The following SH3KBP1 variants were observed in gnomAD, a reference collection of about 807,000 sequenced individuals.
The protein encoded by SH3KBP1 is SH3 domain containing kinase binding protein 1.
A neutral mutation model predicts 50.1 loss-of-function variants in SH3KBP1; 8 were observed. The observed-to-expected ratio is 0.16, with a 90% CI of 0.09 to 0.29. SH3KBP1 has a LOEUF of 0.29. Ranked by LOEUF, SH3KBP1 falls within the 10% of genes least tolerant of loss-of-function variation. SH3KBP1 has a pLI of 1.00. For missense variants in SH3KBP1, 377 were observed against 535.2 expected (o/e 0.70, Z 2.92); for synonymous variants, 227 against 218.6 (o/e 1.04, Z -0.34).
chrX:19,793,314 AT>A (rs1227734203), intron 2 of SH3KBP1, among the ~76,000 whole-genome samples: 3,092 of 82,463 alleles, frequency 0.037, 146 homozygotes, highest in African/African-American at 0.15. Flanking sequence ...GGAAAAAAAA[AT>A]ATATATATAT....
chrX:19,712,149 T>C (rs1468968919), intron 3 of SH3KBP1, among the ~76,000 whole-genome samples: 1 of 112,428 alleles, frequency 8.9e-6, no homozygotes, highest in East Asian at 2.8e-4. Flanking sequence ...CCTTCCTAAA[T>C]AGCAGCTCCA....
chrX:19,837,185 C>T (rs1375156985), intron 1 of SH3KBP1, among the ~76,000 whole-genome samples: 1 of 112,123 alleles, frequency 8.9e-6, no homozygotes, highest in African/African-American at 3.2e-5. Context: ...GCTGGCCAAG[C>T]CAATGTCTCA....
chrX:19,772,597 A>G (rs2065822696), intron 2 of SH3KBP1, among the ~76,000 whole-genome samples: 1 of 111,482 alleles, frequency 9.0e-6, no homozygotes, highest in African/African-American at 3.3e-5. Flanking sequence ...ATGAAAATTA[A>G]CTGGAGCTGT....
intron 2 of SH3KBP1, among the ~76,000 whole-genome samples, chrX:19,834,595 T>C (rs1335481665): frequency 1.8e-5 from 2 of 112,546 alleles, no homozygotes; most frequent in African/African-American, 6.5e-5. Context: ...TTTATTAATA[T>C]GAATGAGTTA....
intron 2 of SH3KBP1, among the ~76,000 whole-genome samples, chrX:19,829,814 G>A (rs761894979): frequency 9.0e-6 from 1 of 110,997 alleles, no homozygotes; most frequent in South Asian, 3.9e-4. Flanking sequence ...TGGAGCTGCT[G>A]GTTGCCCATT....
chrX:19,693,041 G>C (rs748063715), intron 5 of SH3KBP1, among the ~76,000 whole-genome samples: 1 of 110,917 alleles, frequency 9.0e-6, no homozygotes, highest in African/African-American at 3.3e-5. Context: ...TCTCTTTCAG[G>C]GAATTACTTC....
At chrX:19,874,197 G>A (rs1320636451) in intron 1 of SH3KBP1, among the ~76,000 whole-genome samples, 1 of 101,349 alleles carries the variant, frequency 9.9e-6, no homozygotes, top group African/African-American at 3.8e-5. Context: ...GGCTCTTCCT[G>A]CCCTGTGGGA....
chrX:19,861,038 A>G (rs772279328), intron 1 of SH3KBP1, among the ~76,000 whole-genome samples: 1 of 111,726 alleles, frequency 9.0e-6, no homozygotes, highest in East Asian at 2.8e-4. Flanking sequence ...CCATTTTTGC[A>G]TCTTTTCCAT....
chrX:19,881,479 G>A (rs1286242172), intron 1 of SH3KBP1, among the ~76,000 whole-genome samples: 1 of 112,215 alleles, frequency 8.9e-6, no homozygotes, highest in Non-Finnish European at 1.9e-5. Context: ...AGTCTGAGGC[G>A]TCTAAGACAC....
chrX:19,706,590 T>C (rs890957486), intron 4 of SH3KBP1, among the ~76,000 whole-genome samples: 2 of 110,737 alleles, frequency 1.8e-5, no homozygotes, highest in Admixed American at 9.6e-5. Context: ...CCAGAGTCTA[T>C]GCTCAATTCA....
intron 1 of SH3KBP1, among the ~76,000 whole-genome samples, chrX:19,843,040 C>T (rs2068270747): frequency 3.1e-5 from 2 of 64,140 alleles, no homozygotes; most frequent in Admixed American, 2.5e-4. Flanking sequence ...TTTTTTGAGA[C>T]GGAGTCTTGC....
chrX:19,592,538 G>T lies in SH3KBP1; in HGVS notation c.1058-391C>A, dbSNP rs761307204. 7.2e-5 allele frequency among the ~76,000 whole-genome samples: 8 copies of T among 111,323 alleles called. No individual in the cohort carries two copies. In the South Asian group the frequency reaches 3.1e-3, roughly 43 times the overall value. ...TGTTGTGTTCTACCAAAAAAAGGGG[G>T]TTTCATAGGAATCTGGATCCCATTT... is the stretch of plus-strand genomic sequence containing the variant. On this transcript the variant is annotated intron_variant, in intron 10 of 17. Coordinates refer to ENST00000397821, the MANE Select transcript of SH3KBP1 (RefSeq NM_031892.3).
chrX:19,828,387 AATAGGCCTGGC>A (rs2067755603), intron 2 of SH3KBP1, among the ~76,000 whole-genome samples: 1 of 112,006 alleles, frequency 8.9e-6, no homozygotes, highest in Non-Finnish European at 1.9e-5. Flanking sequence ...TTAACAATAT[AATAGGCCTGGC>A]ATAGTGGCTC....
At chrX:19,712,851 G>A (rs1182339514) in intron 3 of SH3KBP1, among the ~76,000 whole-genome samples, 2 of 111,510 alleles carry the variant, frequency 1.8e-5, no homozygotes, top group Non-Finnish European at 3.8e-5. Flanking sequence ...ATCACCTATA[G>A]AATACTTCTG....
intron 3 of SH3KBP1, 30 bp downstream of exon 3, chrX:19,746,288 G>A: frequency 1.7e-6 from 2 of 1,205,554 alleles, no homozygotes; most frequent in Non-Finnish European, 2.2e-6. Flanking sequence ...TTTGTGTGCA[G>A]GGAGGGAACC....
At chrX:19,549,701 A>C (rs2065185968) in intron 14 of SH3KBP1, among the ~76,000 whole-genome samples, 1 of 112,133 alleles carries the variant, frequency 8.9e-6, no homozygotes, top group Admixed American at 9.5e-5. Flanking sequence ...TTTCAGGTTA[A>C]AATAAGAATC....
intron 4 of SH3KBP1, among the ~76,000 whole-genome samples, chrX:19,704,572 G>A (rs1414482846): frequency 8.9e-6 from 1 of 112,148 alleles, no homozygotes; most frequent in Non-Finnish European, 1.9e-5. Context: ...TTTGTGTTCT[G>A]ATTTGTTCAA....
In SH3KBP1 at chrX:19,554,331, A is replaced by ATTATATATCATATTAAT. The variant is rs1569279301; in HGVS notation, c.1385-4249_1385-4248insATTAATATGATATATAA. Among the ~76,000 whole-genome samples the ATTATATATCATATTAAT allele has an allele frequency of 9.1e-3, 745 of 82,169 alleles. 18 individuals carry two copies. Among genetic ancestry groups the ATTATATATCATATTAAT allele is most frequent in the African/African-American group, 0.04 (709 of 17,628 alleles). 71.4% of individuals were successfully genotyped at this position (82,169 alleles called of 115,157 possible). On this transcript the variant is annotated intron_variant, in intron 13 of 17. Coordinates refer to ENST00000397821, the MANE Select transcript of SH3KBP1 (RefSeq NM_031892.3). ...TAAAATATACATCATATTAAAATAT[A>ATTATATATCATATTAAT]ATATTATATATCATATTAATATATT...
chrX:19,820,326 T>C (rs1181955940), intron 2 of SH3KBP1, among the ~76,000 whole-genome samples: 1 of 112,077 alleles, frequency 8.9e-6, no homozygotes, highest in Non-Finnish European at 1.9e-5. Flanking sequence ...CAACTATAAC[T>C]GTGTACTTGT....
Sources: gnomAD v4.1 joint callset for allele counts (sites outside exome capture counted in the v4.1 genomes callset) on GRCh38, gnomAD v4.1.1 for gene constraint, MANE v1.5 for transcripts, NCBI Gene and HGNC (gene_info 2026-07-23, HGNC 2026-07-21) for gene names.